Variants in ITPR2 observed in about 807,000 individuals in gnomAD.
ITPR2 encodes the protein inositol 1,4,5-trisphosphate receptor type 2, also known as inositol 1,4,5-trisphosphate-gated calcium channel ITPR2.
Under a neutral mutation model 317.1 loss-of-function variants are expected in ITPR2, and 207 were observed. The ratio of observed to expected loss-of-function variants is 0.65; its 90% CI spans 0.58 to 0.73. The LOEUF is 0.73. ITPR2 is among the 30% of genes least tolerant of loss of function. The pLI, the probability that ITPR2 is intolerant of heterozygous loss-of-function variation, is 0.00. For synonymous variants in ITPR2, 1,156 were observed against 1,149.1 expected (o/e 1.01, Z -0.12); for missense variants, 2,613 against 3,284.0 (o/e 0.80, Z 4.99).
chr12:26,354,329 T>C (rs901440989), intron 55 of ITPR2, among the ~76,000 whole-genome samples: 3 of 152,220 alleles, frequency 2.0e-5, no homozygotes, highest in African/African-American at 7.2e-5. Context: ...TTTGATAGTA[T>C]ATTTTTAGGT....
chr12:26,556,093 G>T, intron 36 of ITPR2, 140 bp downstream of exon 36: 2 of 638,420 alleles, frequency 3.1e-6, no homozygotes, highest in Non-Finnish European at 4.9e-6. Flanking sequence ...AATTATTCTG[G>T]CAGTATATTT....
At chr12:26,701,880 T>A (rs1948451363) in intron 9 of ITPR2, among the ~76,000 whole-genome samples, 1 of 152,224 alleles carries the variant, frequency 6.6e-6, no homozygotes, top group Non-Finnish European at 1.5e-5. Context: ...CAATCTTGAA[T>A]AAATGACATT....
At chr12:26,364,204 G>A (rs1938931497) in intron 55 of ITPR2, among the ~76,000 whole-genome samples, 1 of 152,076 alleles carries the variant, frequency 6.6e-6, no homozygotes, top group African/African-American at 2.4e-5. Flanking sequence ...CCTGTCCTGG[G>A]GATTTTCCCT....
At chr12:26,537,159 TG>T (rs1475809413) in intron 37 of ITPR2, among the ~76,000 whole-genome samples, 2 of 152,162 alleles carry the variant, frequency 1.3e-5, no homozygotes, top group South Asian at 2.1e-4. Flanking sequence ...GGCAAGGCAA[TG>T]TCATGGTGGT....
rs1229441653 is a variant in ITPR2, at chr12:26,681,868, A to C, written c.1409+6T>G. 6.5e-7 allele frequency: 1 copy of C among 1,531,226 alleles called. No homozygotes were observed. The highest frequency in any genetic ancestry group is 8.7e-7 in the Non-Finnish European group (1 of 1,143,790). 94.9% of individuals were successfully genotyped at this position (1,531,226 alleles called of 1,614,324 possible). A position where few individuals can be genotyped will look rare whatever the true frequency, so the allele number is the denominator to read the frequency against. On this transcript the variant is annotated splice_donor_region_variant and intron_variant, in intron 13 of 56. Coordinates refer to ENST00000381340, the MANE Select transcript of ITPR2 (RefSeq NM_002223.4). ...GTGATTATTTAAGACCAATTTAAAG[A>C]GTTACCTCCTTTCATTCTGAGTTAT...
chr12:26,377,938 G>A (rs181544517), intron 55 of ITPR2, among the ~76,000 whole-genome samples: 157 of 151,480 alleles, frequency 1.0e-3, no homozygotes, highest in South Asian at 4.0e-3. Flanking sequence ...TTTTTAGCTC[G>A]ACTCTCCTCA....
intron 32 of ITPR2, among the ~76,000 whole-genome samples, chr12:26,589,786 C>CA (rs1157498435): frequency 1.0e-3 from 38 of 36,196 alleles, no homozygotes; most frequent in East Asian, 8.6e-3. Flanking sequence ...AACTCTGTTT[C>CA]AAAAAAAAAA....
intron 2 of ITPR2, among the ~76,000 whole-genome samples, chr12:26,753,461 G>C (rs146270710): frequency 3.9e-5 from 6 of 152,280 alleles, no homozygotes; most frequent in African/African-American, 1.4e-4. Flanking sequence ...TGCTGGAAAA[G>C]ATCCCTTCAT....
intron 2 of ITPR2, among the ~76,000 whole-genome samples, chr12:26,740,418 A>C (rs1329299627): frequency 6.6e-6 from 1 of 152,206 alleles, no homozygotes; most frequent in Non-Finnish European, 1.5e-5. Flanking sequence ...ATTATTCTAA[A>C]AACTGGAAGA....
intron 26 of ITPR2, among the ~76,000 whole-genome samples, chr12:26,610,442 T>C (rs1946236254): frequency 6.6e-6 from 1 of 151,812 alleles, no homozygotes; most frequent in South Asian, 2.1e-4. Flanking sequence ...TAATGAGATG[T>C]GGAGGTAATA....
intron 8 of ITPR2, among the ~76,000 whole-genome samples, chr12:26,711,622 C>T (rs1159919872): frequency 6.6e-6 from 1 of 152,176 alleles, no homozygotes; most frequent in African/African-American, 2.4e-5. Context: ...GTGCCAAGTA[C>T]CTTCAAGAGA....
At chr12:26,557,819 T>C in intron 35 of ITPR2, among the ~76,000 whole-genome samples, 1 of 152,190 alleles carries the variant, frequency 6.6e-6, no homozygotes, top group Non-Finnish European at 1.5e-5. Context: ...CATTCTTTAA[T>C]GGTTAAAGCA....
At chr12:26,416,069 A>G (rs1013269229) in intron 50 of ITPR2, among the ~76,000 whole-genome samples, 1 of 152,196 alleles carries the variant, frequency 6.6e-6, no homozygotes. Flanking sequence ...AAATGCAAAC[A>G]TCCTTCCTTA....
At chr12:26,364,476 A>G (rs1938942649) in intron 55 of ITPR2, among the ~76,000 whole-genome samples, 1 of 152,208 alleles carries the variant, frequency 6.6e-6, no homozygotes, top group Non-Finnish European at 1.5e-5. Flanking sequence ...TCCCAAGGTC[A>G]CAGAGCTGGT....
intron 2 of ITPR2, among the ~76,000 whole-genome samples, chr12:26,733,649 C>T (rs183004584): frequency 1.3e-5 from 2 of 152,212 alleles, no homozygotes; most frequent in Admixed American, 6.5e-5. Flanking sequence ...AAGCTTTATC[C>T]TTTGCCTAAT....
rs141604869 is a variant in ITPR2 at position 26,465,755 on chromosome 12, G to A, written c.6342+9541C>T. On this transcript the variant is annotated intron_variant, in intron 45 of 56. Coordinates refer to ENST00000381340, the MANE Select transcript of ITPR2 (RefSeq NM_002223.4). The stretch of plus-strand genomic sequence containing the variant: ...TTTGTGTCTCCCTCCTGTAATAAAG[G>A]TATACTCCATGGGGGTAGAGATGAT... Among the ~76,000 whole-genome samples, 252 of 152,136 alleles carry A rather than the reference G, an allele frequency of 1.7e-3. 1 individual carries two copies. Among genetic ancestry groups the A allele is most frequent in the African/African-American group, 5.8e-3 (239 of 41,494 alleles).
At chr12:26,381,605 C>T (rs1355808791) in intron 55 of ITPR2, among the ~76,000 whole-genome samples, 1 of 152,218 alleles carries the variant, frequency 6.6e-6, no homozygotes, top group Non-Finnish European at 1.5e-5. Flanking sequence ...TTACGACAGA[C>T]AATTATTATG....
Position 26,622,309 on chromosome 12 carries a change from C to T in ITPR2, c.3219G>A (p.Leu1073=). Residue 1073 remains leucine (L), a synonymous_variant, in exon 25 of 57, where the codon CTG becomes CTA. Coordinates refer to ENST00000381340, the MANE Select transcript of ITPR2 (RefSeq NM_002223.4). ...TAAACAACAGCTGCAGGGCTCCAGA[C>T]AGCAAAGGCGGGTAGTCGTGCATGA... ...HLIMHDYPPL[L]SGALQLLFKH... The T allele has an allele frequency of 3.1e-6, 5 of 1,614,072 alleles. No individual in the cohort carries two copies. The highest frequency in any genetic ancestry group is 4.2e-6 in the Non-Finnish European group (5 of 1,179,970).
Position 26,561,744 on chromosome 12 carries a change from T to G in ITPR2, c.4821+18A>C. ...TATAATTTAGAAAATATTAATGCTATTTCACGCTTTCATGTACCTGTAACT... is the reference window on the plus strand; with the variant it reads ...TATAATTTAGAAAATATTAATGCTAGTTCACGCTTTCATGTACCTGTAACT... On this transcript the variant is annotated intron_variant, in intron 35 of 56. Coordinates refer to ENST00000381340, the MANE Select transcript of ITPR2 (RefSeq NM_002223.4). 1 of 1,526,386 alleles carries G rather than the reference T, an allele frequency of 6.6e-7. No homozygotes were observed. The highest frequency in any genetic ancestry group is 8.7e-7 in the Non-Finnish European group (1 of 1,144,156). The allele number at this position is 1,526,386 out of a possible 1,614,324, so 94.6% of individuals were successfully genotyped here.
Sources: gnomAD v4.1 joint callset for allele counts (sites outside exome capture counted in the v4.1 genomes callset) on GRCh38, gnomAD v4.1.1 for gene constraint, MANE v1.5 for transcripts, NCBI Gene and HGNC (gene_info 2026-07-23, HGNC 2026-07-21) for gene names.